The following ROCK2 variants were observed in gnomAD, a reference collection of about 807,000 sequenced individuals.
The protein encoded by ROCK2 is rho-associated protein kinase 2.
Under a neutral mutation model 195.1 loss-of-function variants are expected in ROCK2, and 61 were observed. The ratio of observed to expected loss-of-function variants is 0.31; its 90% CI spans 0.25 to 0.39. The LOEUF is 0.39. ROCK2 is among the 10% of genes least tolerant of loss of function. The pLI, the probability that ROCK2 is intolerant of heterozygous loss-of-function variation, is 1.00. For missense variants in ROCK2, 1,109 were observed against 1,637.4 expected (o/e 0.68, Z 5.57); for synonymous variants, 504 against 545.5 (o/e 0.92, Z 1.06).
rs144707165 is a variant in ROCK2 at position 11,258,355 on chromosome 2, C to G, written c.325-8557G>C. 1.5e-3 allele frequency among the ~76,000 whole-genome samples: 227 copies of G among 151,576 alleles called. 11 individuals carry two copies. Among genetic ancestry groups the G allele is most frequent in the African/African-American group, 5.3e-3 (216 of 40,848 alleles). ...CTACCTGCGTATTTCTTTGATATCA[C>G]CTGCTGTCCAATCTGATTTAACAGT... is the stretch of plus-strand genomic sequence containing the variant. On this transcript the variant is annotated intron_variant, in intron 3 of 32. Transcript: ENST00000315872.
At chr2:11,345,035 C>G (rs1022574540), upstream of ROCK2, among the ~76,000 whole-genome samples, 8 of 151,720 alleles carry the variant, frequency 5.3e-5, no homozygotes, top group Admixed American at 2.6e-4. Flanking sequence ...GCCGCGCCCC[C>G]CGCCGCGGCC....
rs1308645855 is a variant in ROCK2, at chr2:11,181,299, A to C, written c.*2138T>G. On this transcript the variant is annotated 3_prime_UTR_variant, in exon 33 of 33. Coordinates refer to ENST00000315872, the MANE Select transcript of ROCK2 (RefSeq NM_004850.5). Reference sequence around the variant, plus strand: ...ATTCAGTCTCCTTTTAACAACTCTAATGAATGGAAATATTTATTCTATATA... The same window carrying C: ...ATTCAGTCTCCTTTTAACAACTCTACTGAATGGAAATATTTATTCTATATA... The C allele has an allele frequency of 6.7e-6, 1 of 150,178 alleles. No homozygotes were observed. Among genetic ancestry groups the C allele is most frequent in the Non-Finnish European group, 1.5e-5 (1 of 67,606 alleles). The allele number at this position is 150,178 out of a possible 1,614,324, so 9.3% of individuals were successfully genotyped here. A position where few individuals can be genotyped will look rare whatever the true frequency, so the allele number is the denominator to read the frequency against.
At chr2:11,328,529 T>C (rs570177654) in intron 1 of ROCK2, among the ~76,000 whole-genome samples, 1 of 152,342 alleles carries the variant, frequency 6.6e-6, no homozygotes, top group Non-Finnish European at 1.5e-5. Flanking sequence ...ATCAAGAAGA[T>C]AATCACTAGA....
chr2:11,277,170 C>T (rs1026656617), intron 3 of ROCK2, among the ~76,000 whole-genome samples: 1 of 152,118 alleles, frequency 6.6e-6, no homozygotes, highest in Non-Finnish European at 1.5e-5. Context: ...CCAGAGTTCA[C>T]ATTAGGGTTC....
chr2:11,198,348 TG>T, intron 25 of ROCK2, 142 bp downstream of exon 25: 1 of 592,396 alleles, frequency 1.7e-6, no homozygotes, highest in Non-Finnish European at 2.9e-6. Flanking sequence ...TCTCTCAACC[TG>T]GCAAAAATCA....
At chr2:11,284,897 T>C (rs1667130717) in intron 3 of ROCK2, among the ~76,000 whole-genome samples, 1 of 152,190 alleles carries the variant, frequency 6.6e-6, no homozygotes, top group Non-Finnish European at 1.5e-5. Flanking sequence ...ATCATCCTCA[T>C]TATACTTCAG....
chr2:11,336,280 T>C (rs1300572777), intron 1 of ROCK2, among the ~76,000 whole-genome samples: 1 of 152,184 alleles, frequency 6.6e-6, no homozygotes, highest in Non-Finnish European at 1.5e-5. Context: ...AGACAGGGTC[T>C]CATTCTATCA....
Position 11,211,772 on chromosome 2 carries a change from T to C in ROCK2, c.2112A>G (p.Glu704=). 1 of 1,613,752 alleles carries C rather than the reference T, an allele frequency of 6.2e-7. No individual in the cohort carries two copies. The highest frequency in any genetic ancestry group is 8.5e-7 in the Non-Finnish European group (1 of 1,179,796). ...CCTTTGTGGCCTTATGTTCAGCTTCTTCTTGTTCTAGGCTCTGCTGTATAA... is the reference window on the plus strand; with the variant it reads ...CCTTTGTGGCCTTATGTTCAGCTTCCTCTTGTTCTAGGCTCTGCTGTATAA... ...LKVIQQSLEQ[E]EAEHKATKAR... The change falls in exon 18 of 33, where the codon GAA becomes GAG. Residue 704 remains glutamate (E), a synonymous_variant. Coordinates refer to ENST00000315872, the MANE Select transcript of ROCK2 (RefSeq NM_004850.5).
Position 11,194,293 on chromosome 2 carries a change from T to C in ROCK2, c.3571A>G (p.Lys1191Glu). 1 of 1,478,012 alleles carries C rather than the reference T, an allele frequency of 6.8e-7. No homozygotes were observed. Among genetic ancestry groups the C allele is most frequent in the Non-Finnish European group, 9.2e-7 (1 of 1,088,050 alleles). 91.6% of individuals were successfully genotyped at this position (1,478,012 alleles called of 1,614,324 possible). ...KILFYDSEQD[K>E]EQSNPYMVLD... ...ACCATGTAAGGATTGGATTGTTCTTTATCTTGTTCACTGTCATAGAAAAGA... is the reference window on the plus strand; with the variant it reads ...ACCATGTAAGGATTGGATTGTTCTTCATCTTGTTCACTGTCATAGAAAAGA... Residue 1191 changes from lysine (K) to glutamate (E), a missense_variant, in exon 29 of 33, where the codon AAA (lysine) becomes GAA (glutamate). Lys to Glu is a moderately conservative substitution (Grantham distance 56). Coordinates refer to ENST00000315872, the MANE Select transcript of ROCK2 (RefSeq NM_004850.5).
intron 1 of ROCK2, among the ~76,000 whole-genome samples, chr2:11,320,756 A>G (rs1270467780): frequency 6.6e-6 from 1 of 152,210 alleles, no homozygotes; most frequent in Non-Finnish European, 1.5e-5. Context: ...GAGAAAAACA[A>G]AGTGAGCCCT....
intron 1 of ROCK2, among the ~76,000 whole-genome samples, chr2:11,317,425 G>C (rs1253788614): frequency 6.6e-6 from 1 of 150,766 alleles, no homozygotes; most frequent in Non-Finnish European, 1.5e-5. Context: ...AAACCTCATA[G>C]CATCAATAAA....
At chr2:11,307,893 C>T (rs1667912213) in intron 1 of ROCK2, 13 of 1,172,000 alleles carry the variant, frequency 1.1e-5, no homozygotes, top group African/African-American at 1.6e-5. Flanking sequence ...GGCGGCTCCT[C>T]GGTGGGTGGC....
chr2:11,218,671 G>T lies in ROCK2; in HGVS notation c.1321-205C>A, dbSNP rs190801104. Among the ~76,000 whole-genome samples, 16 of 152,238 alleles carry T rather than the reference G, an allele frequency of 1.1e-4. No homozygotes were observed. In the East Asian group the frequency reaches 3.1e-3, roughly 29 times the overall value. ...GCTTTGCATTCATTTACAAATTATA[G>T]AAGTCAATTTTCTAAATGTTATTAT... On this transcript the variant is annotated intron_variant, in intron 10 of 32. Coordinates refer to ENST00000315872, the MANE Select transcript of ROCK2 (RefSeq NM_004850.5).
chr2:11,300,566 C>A (rs13401319), intron 1 of ROCK2, among the ~76,000 whole-genome samples: 231 of 152,230 alleles, frequency 1.5e-3, no homozygotes, highest in African/African-American at 5.3e-3. Flanking sequence ...ACCCGGCCAA[C>A]AACTATGGTT....
At chr2:11,339,077 G>T (rs1669024027) in intron 1 of ROCK2, among the ~76,000 whole-genome samples, 1 of 152,138 alleles carries the variant, frequency 6.6e-6, no homozygotes. Flanking sequence ...CTCACCAGCG[G>T]TACACTTCAG....
chr2:11,186,701 C>T (rs981983883), intron 32 of ROCK2, among the ~76,000 whole-genome samples: 1 of 152,144 alleles, frequency 6.6e-6, no homozygotes, highest in Non-Finnish European at 1.5e-5. Context: ...TTTTACCACT[C>T]CCTACCCTTG....
At chr2:11,267,518 A>AG (rs1347492642) in intron 3 of ROCK2, among the ~76,000 whole-genome samples, 1 of 151,712 alleles carries the variant, frequency 6.6e-6, no homozygotes, top group African/African-American at 2.4e-5. Flanking sequence ...AAAAAAAAAA[A>AG]ACCAAAAACC....
chr2:11,195,706 G>A (rs1310776272), intron 27 of ROCK2, among the ~76,000 whole-genome samples: 1 of 152,030 alleles, frequency 6.6e-6, no homozygotes, highest in African/African-American at 2.4e-5. Context: ...GTAGCGATGG[G>A]GTTTCACCAT....
rs70953378 is a variant in ROCK2 at position 11,268,522 on chromosome 2, C to CTGTGTGTGTG, written c.324+18007_324+18016dup. ...TGTGTGTGTATTTAACAGTTTTGCA[C>CTGTGTGTGTG]TGTGTGTGTGTGTGTGTGTGTGTGT... On this transcript the variant is annotated intron_variant, in intron 3 of 32. Coordinates refer to ENST00000315872, the MANE Select transcript of ROCK2 (RefSeq NM_004850.5). 2.8e-3 allele frequency among the ~76,000 whole-genome samples: 392 copies of CTGTGTGTGTG among 140,654 alleles called. 2 individuals are homozygous for CTGTGTGTGTG. Among genetic ancestry groups the CTGTGTGTGTG allele is most frequent in the East Asian group, 9.9e-3 (47 of 4,756 alleles). 92.3% of individuals were successfully genotyped at this position (140,654 alleles called of 152,430 possible). A position where few individuals can be genotyped will look rare whatever the true frequency, so the allele number is the denominator to read the frequency against.
Sources: allele counts gnomAD v4.1 joint callset (sites outside exome capture counted in the v4.1 genomes callset), GRCh38; gene constraint gnomAD v4.1.1; transcripts MANE v1.5; gene names NCBI Gene and HGNC (gene_info 2026-07-23, HGNC 2026-07-21).